Variants in CCAR1 observed in about 807,000 individuals in gnomAD.
CCAR1 encodes cell division cycle and apoptosis regulator 1.
A neutral mutation model predicts 163.8 loss-of-function variants in CCAR1; 78 were observed. The observed-to-expected ratio is 0.48, with a 90% CI of 0.40 to 0.57. The LOEUF (loss-of-function observed/expected upper bound fraction) is 0.57, where lower values mean the gene tolerates loss of function less well. Ranked by LOEUF, CCAR1 falls within the 20% of genes least tolerant of loss-of-function variation. The pLI, the probability that CCAR1 is intolerant of heterozygous loss-of-function variation, is 0.00. For synonymous variants in CCAR1, 443 were observed against 460.7 expected (o/e 0.96, Z 0.49); for missense variants, 1,019 against 1,365.2 (o/e 0.75, Z 4.00).
At chr10:68,744,373 TCA>T (rs1183515256) in intron 6 of CCAR1, among the ~76,000 whole-genome samples, 1 of 152,142 alleles carries the variant, frequency 6.6e-6, no homozygotes, top group African/African-American at 2.4e-5. Context: ...CCTTGTAATC[TCA>T]GTTTCTTGGG....
intron 15 of CCAR1, among the ~76,000 whole-genome samples, chr10:68,759,626 A>C (rs984790193): frequency 2.0e-5 from 3 of 151,690 alleles, no homozygotes; most frequent in African/African-American, 7.3e-5. Context: ...CAGGAGCCTG[A>C]GGTGGGAGGA....
intron 2 of CCAR1, among the ~76,000 whole-genome samples, chr10:68,730,166 C>T (rs2056016268): frequency 1.3e-5 from 2 of 151,872 alleles, no homozygotes; most frequent in South Asian, 2.1e-4. Flanking sequence ...CTGATCCACC[C>T]GTGTCGTCTT....
chr10:68,766,004 G>A lies in CCAR1; in HGVS notation c.2223G>A (p.Lys741=). The stretch of plus-strand genomic sequence containing the variant: ...CAAATTGGGCTGCAAAAAGTGGCAA[G>A]TTTGATTGTAGCATCATGTCTTTGA... ...VHPNWAAKSG[K]FDCSIMSLSV... Residue 741 remains lysine (K), a synonymous_variant, in exon 17 of 25, where the codon AAG becomes AAA. Coordinates refer to ENST00000265872, the MANE Select transcript of CCAR1 (RefSeq NM_018237.4). 6.2e-7 allele frequency: 1 copy of A among 1,614,038 alleles called. No individual in the cohort carries two copies. The highest frequency in any genetic ancestry group is 1.1e-5 in the South Asian group (1 of 91,086).
At chr10:68,760,814 A>C (rs1431166482) in intron 15 of CCAR1, 193 bp from the exon 16 acceptor site, 1 of 351,786 alleles carries the variant, frequency 2.8e-6, no homozygotes, top group Non-Finnish European at 5.1e-6. Context: ...TGGTAAGCCG[A>C]GATCACGCCA....
intron 15 of CCAR1, among the ~76,000 whole-genome samples, chr10:68,758,957 C>A (rs10823256): frequency 0.18 from 27,098 of 151,986 alleles, 3,112 homozygotes; most frequent in East Asian, 0.27. Context: ...CAGATGTGAT[C>A]CTCCTCCCCT....
chr10:68,776,041 G>C (rs1166184895), intron 19 of CCAR1, among the ~76,000 whole-genome samples: 1 of 151,624 alleles, frequency 6.6e-6, no homozygotes, highest in Admixed American at 6.6e-5. Context: ...ATGTTGGCCA[G>C]GATGGTCTTG....
intron 5 of CCAR1, 110 bp downstream of exon 5, chr10:68,740,771 T>C: frequency 2.5e-6 from 2 of 813,728 alleles, no homozygotes; most frequent in Non-Finnish European, 4.0e-6. Context: ...TAGATTCACC[T>C]AATAATTTAG....
chr10:68,758,689 A>T (rs1049362364), intron 15 of CCAR1, among the ~76,000 whole-genome samples: 17 of 13,364 alleles, frequency 1.3e-3, no homozygotes, highest in Non-Finnish European at 1.7e-3. Context: ...GTATATATAT[A>T]TTTTTTTTTT....
intron 24 of CCAR1, among the ~76,000 whole-genome samples, chr10:68,790,354 TA>T (rs530271339): frequency 0.012 from 1,571 of 135,864 alleles, 4 homozygotes; most frequent in African/African-American, 0.024. Context: ...GACCCCATCT[TA>T]AAAAAAAAAA....
At chr10:68,776,121 C>T (rs901366014) in intron 19 of CCAR1, among the ~76,000 whole-genome samples, 5 of 152,072 alleles carry the variant, frequency 3.3e-5, no homozygotes, top group Non-Finnish European at 5.9e-5. Flanking sequence ...GAGCCACTGA[C>T]CCCAGCCCAG....
At chr10:68,758,238 A>G (rs181402804) in intron 15 of CCAR1, among the ~76,000 whole-genome samples, 34 of 152,004 alleles carry the variant, frequency 2.2e-4, no homozygotes, top group Admixed American at 1.5e-3. Context: ...TATTTTTAGT[A>G]GAGATGGGAT....
chr10:68,737,082 GAA>G lies in CCAR1; in HGVS notation c.246+37_246+38del, dbSNP rs1232223892. 16 of 1,522,962 alleles carry G rather than the reference GAA, an allele frequency of 1.1e-5. No homozygotes were observed. In the Admixed American group the frequency reaches 2.8e-4, roughly 26 times the overall value. The allele number at this position is 1,522,962 out of a possible 1,614,324, so 94.3% of individuals were successfully genotyped here. A position where few individuals can be genotyped will look rare whatever the true frequency, so the allele number is the denominator to read the frequency against. On this transcript the variant is annotated intron_variant, in intron 3 of 24. Transcript: ENST00000265872. Reference sequence around the variant, plus strand: ...TTAATATGTCTTATTATTTGATGTAGAAAACTTTATGAAATCTGAGTAGCTAG... The same window carrying G: ...TTAATATGTCTTATTATTTGATGTAGAACTTTATGAAATCTGAGTAGCTAG...
At chr10:68,769,130 A>G (rs995536416) in intron 17 of CCAR1, among the ~76,000 whole-genome samples, 38 of 152,032 alleles carry the variant, frequency 2.5e-4, no homozygotes, top group African/African-American at 9.2e-4. Flanking sequence ...GCGTGTGCCT[A>G]CACACCCAGC....
intron 21 of CCAR1, chr10:68,787,111 A>G (rs577782572): frequency 6.3e-6 from 1 of 157,580 alleles, no homozygotes; most frequent in African/African-American, 2.4e-5. Context: ...GCAATATAAC[A>G]CAAGCCAGTT....
chr10:68,783,354 T>C (rs2056758672), intron 19 of CCAR1, among the ~76,000 whole-genome samples: 2 of 152,064 alleles, frequency 1.3e-5, no homozygotes, highest in East Asian at 2.0e-4. Context: ...TTTGTGTTTT[T>C]AGTAGAGACA....
At chr10:68,775,279 C>T (rs2056650043) in intron 19 of CCAR1, among the ~76,000 whole-genome samples, 2 of 152,076 alleles carry the variant, frequency 1.3e-5, no homozygotes, top group South Asian at 4.1e-4. Context: ...AATATCTCCT[C>T]TTATTTGCTT....
chr10:68,738,994 A>G (rs147258903), intron 4 of CCAR1, among the ~76,000 whole-genome samples: 1 of 152,354 alleles, frequency 6.6e-6, no homozygotes, highest in African/African-American at 2.4e-5. Flanking sequence ...TTCCCTAGGC[A>G]TGTTTAAACA....
intron 2 of CCAR1, 150 bp downstream of exon 2, chr10:68,722,727 G>A: frequency 1.7e-6 from 1 of 599,940 alleles, no homozygotes; most frequent in East Asian, 2.8e-5. Context: ...TTCGTAACCA[G>A]CCTGGCCAAC....
At chr10:68,724,774 C>A (rs2055916410) in intron 2 of CCAR1, among the ~76,000 whole-genome samples, 1 of 151,766 alleles carries the variant, frequency 6.6e-6, no homozygotes, top group Admixed American at 6.6e-5. Flanking sequence ...GAGACCTGGT[C>A]TCAAAAAAGG....
Sources: allele counts gnomAD v4.1 joint callset (sites outside exome capture counted in the v4.1 genomes callset), GRCh38; gene constraint gnomAD v4.1.1; transcripts MANE v1.5; gene names NCBI Gene and HGNC (gene_info 2026-07-23, HGNC 2026-07-21).